The following CTBP2 variants were observed in gnomAD, a reference collection of about 807,000 sequenced individuals.
CTBP2 encodes the protein C-terminal binding protein 2, also known as C-terminal-binding protein 2.
Under a neutral mutation model 80.3 loss-of-function variants are expected in CTBP2, and 30 were observed. The ratio of observed to expected loss-of-function variants is 0.37; its 90% CI spans 0.28 to 0.51. The LOEUF is 0.51. CTBP2 is among the 20% of genes least tolerant of loss of function. The pLI, the probability that CTBP2 is intolerant of heterozygous loss-of-function variation, is 0.93. For missense variants in CTBP2, 1,212 were observed against 1,375.3 expected (o/e 0.88, Z 1.88); for synonymous variants, 594 against 587.4 (o/e 1.01, Z -0.16).
chr10:125,019,156 G>C (rs904590700), intron 1 of CTBP2, among the ~76,000 whole-genome samples: 1 of 150,826 alleles, frequency 6.6e-6, no homozygotes, highest in Non-Finnish European at 1.5e-5. Context: ...AAAAGTGAAC[G>C]AAGGCTAGTT....
At chr10:125,045,199 G>A (rs1181249475) in intron 2 of CTBP2, among the ~76,000 whole-genome samples, 1 of 152,078 alleles carries the variant, frequency 6.6e-6, no homozygotes, top group African/African-American at 2.4e-5. Flanking sequence ...ATACAGCCAG[G>A]AGGTCTACAG....
At chr10:124,991,903 G>GGC (rs1564999058) in intron 8 of CTBP2, among the ~76,000 whole-genome samples, 1 of 142,632 alleles carries the variant, frequency 7.0e-6, no homozygotes, top group African/African-American at 2.6e-5. Context: ...TGGGGGGGGG[G>GGC]GTGTGGGAGA....
At chr10:125,029,494 A>C (rs1957971612), upstream of CTBP2, among the ~76,000 whole-genome samples, 1 of 152,110 alleles carries the variant, frequency 6.6e-6, no homozygotes, top group African/African-American at 2.4e-5. Flanking sequence ...TCCTGACCTC[A>C]GGTGATCCAC....
intron 2 of CTBP2, among the ~76,000 whole-genome samples, chr10:125,085,970 G>A (rs528081689): frequency 1.8e-4 from 27 of 152,258 alleles, no homozygotes; most frequent in East Asian, 1.2e-3. Flanking sequence ...ACAGCCCCTC[G>A]GCCTCCAGAC....
chr10:125,153,805 C>T (rs1860441980), intron 1 of CTBP2, among the ~76,000 whole-genome samples: 1 of 152,224 alleles, frequency 6.6e-6, no homozygotes, highest in Admixed American at 6.5e-5. Flanking sequence ...AGAGAAACTT[C>T]CTCAGGTTCC....
At chr10:124,992,662 A>G (rs749342138) in intron 8 of CTBP2, 33 bp downstream of exon 10, 12 of 1,537,616 alleles carry the variant, frequency 7.8e-6, no homozygotes, top group Non-Finnish European at 7.1e-6. Context: ...CGTGGTGCTC[A>G]CAAGCTGAGA....
intron 1 of CTBP2, among the ~76,000 whole-genome samples, chr10:125,148,113 TCTA>T (rs1859130723): frequency 6.6e-6 from 1 of 152,134 alleles, no homozygotes; most frequent in Non-Finnish European, 1.5e-5. Context: ...TTGTTTTGCC[TCTA>T]CTAAGCTCTA....
intron 2 of CTBP2, among the ~76,000 whole-genome samples, chr10:125,098,274 G>A (rs1283209337): frequency 6.6e-6 from 1 of 152,120 alleles, no homozygotes; most frequent in Non-Finnish European, 1.5e-5. Context: ...GACCCAGCAC[G>A]TGTTCAGCTC....
chr10:125,012,776 C>T (rs1023531422), intron 1 of CTBP2, among the ~76,000 whole-genome samples: 32 of 152,302 alleles, frequency 2.1e-4, no homozygotes, highest in African/African-American at 7.7e-4. Context: ...GATGGGGTTT[C>T]ACCAAGTTGG....
At chr10:125,042,323 T>A (rs908842816) in intron 2 of CTBP2, among the ~76,000 whole-genome samples, 2 of 152,078 alleles carry the variant, frequency 1.3e-5, no homozygotes, top group African/African-American at 4.8e-5. Context: ...GTCTCCATGC[T>A]GAGCAAGCCA....
At chr10:125,058,393 C>T (rs77213755) in intron 2 of CTBP2, among the ~76,000 whole-genome samples, 2 of 152,296 alleles carry the variant, frequency 1.3e-5, no homozygotes, top group East Asian at 3.9e-4. Context: ...CCATCCATTC[C>T]TCTCCCCCTG....
At chr10:125,155,513 A>G (rs1028178450) in intron 1 of CTBP2, among the ~76,000 whole-genome samples, 1 of 152,202 alleles carries the variant, frequency 6.6e-6, no homozygotes, top group African/African-American at 2.4e-5. Context: ...AGCTAAAAGC[A>G]AACTCCAGAT....
rs564874142 is a variant in CTBP2 at position 125,071,488 on chromosome 10, T to C, written c.-101-32333A>G. ...AATCCAACATGCTGAAGACCTGAGTTCCAACTGCTGGAACAAGGCGAAGGG... is the reference window on the plus strand; with the variant it reads ...AATCCAACATGCTGAAGACCTGAGTCCCAACTGCTGGAACAAGGCGAAGGG... On this transcript the variant is annotated intron_variant, in intron 2 of 10. Coordinates refer to the CTBP2 transcript ENST00000337195. 2.0e-5 allele frequency among the ~76,000 whole-genome samples: 3 copies of C among 152,318 alleles called. No homozygotes were observed. The South Asian group carries it at 6.2e-4, about 32-fold the overall frequency.
chr10:125,136,079 T>C (rs1856929395), intron 1 of CTBP2, among the ~76,000 whole-genome samples: 1 of 152,240 alleles, frequency 6.6e-6, no homozygotes. Flanking sequence ...GATGCCACTG[T>C]GGACCACACA....
intron 2 of CTBP2, 57 bp from the exon 5 acceptor site, chr10:125,003,161 ACTTGGCCTGGCCCCCTGGCC>A (rs1954764858): frequency 1.2e-6 from 2 of 1,608,798 alleles, no homozygotes; most frequent in African/African-American, 1.3e-5. Flanking sequence ...CACCGGCACC[ACTTGGCCTGGCCCCCTGGCC>A]CTATCACCCT....
At chr10:125,103,003 G>A (rs1165151527) in intron 2 of CTBP2, among the ~76,000 whole-genome samples, 2 of 152,202 alleles carry the variant, frequency 1.3e-5, no homozygotes, top group Non-Finnish European at 2.9e-5. Context: ...CACCCTACCT[G>A]CATGGGTTTA....
chr10:125,057,416 AAAC>A (rs1964158527), intron 2 of CTBP2, among the ~76,000 whole-genome samples: 1 of 152,174 alleles, frequency 6.6e-6, no homozygotes, highest in African/African-American at 2.4e-5. Flanking sequence ...GCCTCCCTCT[AAAC>A]AACAGGCCAA....
chr10:125,105,252 A>G lies in CTBP2; in HGVS notation c.-102+5738T>C, dbSNP rs112743052. ...AGCCTTGACCTCCCAGGCTCACACA[A>G]TCCTCCCACCCAGCTACTCTGGAAC... On this transcript the variant is annotated intron_variant, in intron 2 of 10. Transcript: ENST00000337195. Among the ~76,000 whole-genome samples the G allele has an allele frequency of 2.6e-3, 389 of 152,132 alleles. 2 individuals are homozygous for G. The highest frequency in any genetic ancestry group is 8.9e-3 in the African/African-American group (369 of 41,496).
chr10:125,023,219 G>A (rs556128779), intron 1 of CTBP2, among the ~76,000 whole-genome samples: 3 of 152,330 alleles, frequency 2.0e-5, no homozygotes, highest in Non-Finnish European at 4.4e-5. Flanking sequence ...CAAGAAAAAC[G>A]GCTGGAAGAA....
Sources: allele counts gnomAD v4.1 joint callset (sites outside exome capture counted in the v4.1 genomes callset), GRCh38; gene constraint gnomAD v4.1.1; transcripts MANE v1.5; gene names NCBI Gene and HGNC (gene_info 2026-07-23, HGNC 2026-07-21).